The following UBE2D3 variants were observed in gnomAD, a reference collection of about 807,000 sequenced individuals.
The protein encoded by UBE2D3 is ubiquitin-conjugating enzyme E2 D3.
UBE2D3 carries 2 observed loss-of-function variants against 22.8 expected under a neutral mutation model. That is an observed-to-expected ratio of 0.09 (90% CI 0.04 to 0.28). UBE2D3 has a LOEUF of 0.28. Among genes scored for constraint, UBE2D3 ranks in the 10% least tolerant of loss-of-function variants. The pLI, the probability that UBE2D3 is intolerant of heterozygous loss-of-function variation, is 1.00. For missense variants in UBE2D3, 27 were observed against 182.5 expected, an observed-to-expected ratio of 0.15 and a Z score of 4.91; for synonymous variants, 56 against 60.4, an observed-to-expected ratio of 0.93 and a Z score of 0.34.
chr4:102,860,683 C>T (rs1321009040), intron 1 of UBE2D3, among the ~76,000 whole-genome samples: 1 of 151,840 alleles, frequency 6.6e-6, no homozygotes, highest in Non-Finnish European at 1.5e-5. Context: ...TGAGAACCTC[C>T]TTTTATTTTC....
chr4:102,808,476 T>C (rs1727416110), intron 4 of UBE2D3, among the ~76,000 whole-genome samples: 1 of 152,228 alleles, frequency 6.6e-6, no homozygotes, highest in East Asian at 1.9e-4. Flanking sequence ...TCCAGGACGT[T>C]TCAAAGTATT....
intron 4 of UBE2D3, among the ~76,000 whole-genome samples, chr4:102,807,145 G>T (rs759214295): frequency 6.6e-6 from 1 of 152,154 alleles, no homozygotes; most frequent in African/African-American, 2.4e-5. Flanking sequence ...GTAGTCCAAA[G>T]CAAAAGTGAC....
chr4:102,819,308 C>G (rs1729217778), intron 2 of UBE2D3, among the ~76,000 whole-genome samples: 1 of 147,892 alleles, frequency 6.8e-6, no homozygotes, highest in Non-Finnish European at 1.5e-5. Flanking sequence ...CTAGCCTGGG[C>G]AGCTGACCAA....
chr4:102,863,549 A>T (rs1258136905), intron 1 of UBE2D3, among the ~76,000 whole-genome samples: 1 of 152,118 alleles, frequency 6.6e-6, no homozygotes, highest in Admixed American at 6.5e-5. Flanking sequence ...GGCTGGTTGC[A>T]GTGGTACAAT....
intron 2 of UBE2D3, among the ~76,000 whole-genome samples, chr4:102,821,249 A>C (rs1729560111): frequency 6.6e-6 from 1 of 152,214 alleles, no homozygotes; most frequent in Admixed American, 6.5e-5. Context: ...TTATAATAAA[A>C]GACAAATCAC....
intron 1 of UBE2D3, among the ~76,000 whole-genome samples, chr4:102,835,863 C>T (rs888412838): frequency 6.6e-6 from 1 of 152,114 alleles, no homozygotes; most frequent in Non-Finnish European, 1.5e-5. Flanking sequence ...AATCCTTTCT[C>T]TTGTTCTTCC....
chr4:102,806,314 T>C (rs994386387), intron 4 of UBE2D3, among the ~76,000 whole-genome samples: 1 of 152,138 alleles, frequency 6.6e-6, no homozygotes, highest in Non-Finnish European at 1.5e-5. Context: ...CCTTCCTTTG[T>C]CTTATCTGCT....
At chr4:102,828,011 G>A, upstream of UBE2D3, 1 of 985,456 alleles carries the variant, frequency 1.0e-6, no homozygotes, top group Non-Finnish European at 1.2e-6. Context: ...GCTCTGCAAT[G>A]ACTTAAGAGC....
intron 2 of UBE2D3, among the ~76,000 whole-genome samples, chr4:102,822,725 G>A (rs911315364): frequency 6.6e-6 from 1 of 152,148 alleles, no homozygotes; most frequent in Non-Finnish European, 1.5e-5. Context: ...CACGAGGTCA[G>A]GAGATCAAGA....
chr4:102,820,094 A>G (rs952013315), intron 2 of UBE2D3, among the ~76,000 whole-genome samples: 1 of 152,208 alleles, frequency 6.6e-6, no homozygotes, highest in Non-Finnish European at 1.5e-5. Context: ...CATCCTCAAG[A>G]AGACTTTACA....
chr4:102,868,815 C>T, exon 1 of UBE2D3: 1 of 1,607,810 alleles, frequency 6.2e-7, no homozygotes, highest in Non-Finnish European at 8.5e-7. Flanking sequence ...CGTTAAAGGC[C>T]CAAGAGGAGG....
intron 1 of UBE2D3, among the ~76,000 whole-genome samples, chr4:102,852,802 T>A (rs376621980): frequency 2.0e-5 from 3 of 152,328 alleles, no homozygotes; most frequent in African/African-American, 7.2e-5. Flanking sequence ...TTAATACAGG[T>A]TGTCAGACTG....
chr4:102,864,120 C>G (rs1733034825), intron 1 of UBE2D3, among the ~76,000 whole-genome samples: 1 of 152,090 alleles, frequency 6.6e-6, no homozygotes, highest in African/African-American at 2.4e-5. Flanking sequence ...TGTCTTAATT[C>G]AGTGAATATA....
At chr4:102,828,001 G>T (rs1578274393), upstream of UBE2D3, 1 of 985,484 alleles carries the variant, frequency 1.0e-6, no homozygotes, top group South Asian at 4.7e-5. Context: ...CGAAGCGGTA[G>T]CTCTGCAATG....
At chr4:102,825,138 T>C (rs1730256545) in intron 2 of UBE2D3, 3 of 552,416 alleles carry the variant, frequency 5.4e-6, no homozygotes, top group Non-Finnish European at 6.9e-6. Context: ...TACAGGCAAA[T>C]GTAGTATCAG....
chr4:102,796,491 T>C lies in UBE2D3; in HGVS notation c.*924A>G, dbSNP rs537122808. The C allele has an allele frequency of 2.0e-5, 3 of 152,630 alleles. No homozygotes were observed. In the East Asian group the frequency reaches 5.8e-4, roughly 29 times the overall value. The allele number at this position is 152,630 out of a possible 1,614,324, so 9.5% of individuals were successfully genotyped here. On this transcript the variant is annotated 3_prime_UTR_variant, in exon 8 of 8. Coordinates refer to ENST00000453744, the MANE Select transcript of UBE2D3 (RefSeq NM_181891.3). ...TTTCGAACTTTACATCATCATTTGA[T>C]GTCAAACAATGAAGCAAATCCCAAC...
intron 4 of UBE2D3, chr4:102,808,970 A>T (rs1352783416): frequency 6.3e-6 from 1 of 157,804 alleles, no homozygotes; most frequent in African/African-American, 2.4e-5. Context: ...GACAGTTTTC[A>T]GGAAGATACA....
chr4:102,813,315 C>T (rs1021115924), intron 2 of UBE2D3, among the ~76,000 whole-genome samples: 2 of 152,134 alleles, frequency 1.3e-5, no homozygotes, highest in African/African-American at 4.8e-5. Flanking sequence ...GCCTCTTAAG[C>T]AGCTGGAGTT....
At chr4:102,829,762 A>AC (rs1164169534), upstream of UBE2D3, among the ~76,000 whole-genome samples, 1 of 152,066 alleles carries the variant, frequency 6.6e-6, no homozygotes, top group Non-Finnish European at 1.5e-5. Flanking sequence ...AAACAGTGAA[A>AC]CCCCATCTCT....
Sources: allele counts gnomAD v4.1 joint callset (sites outside exome capture counted in the v4.1 genomes callset), GRCh38; gene constraint gnomAD v4.1.1; transcripts MANE v1.5; gene names NCBI Gene and HGNC (gene_info 2026-07-23, HGNC 2026-07-21).